The following LGSN variants were observed in gnomAD, a reference collection of about 807,000 sequenced individuals.
LGSN encodes lengsin.
A neutral mutation model predicts 19.5 loss-of-function variants in LGSN; 21 were observed. The ratio of observed to expected loss-of-function variants is 1.07; its 90% CI spans 0.76 to 1.55. The LOEUF is 1.55. LGSN is among the 40% of genes most tolerant of loss of function. LGSN has a pLI of 0.00. For synonymous variants in LGSN, 257 were observed against 215.6 expected (o/e 1.19, Z -1.68); for missense variants, 673 against 608.5 (o/e 1.11, Z -1.12).
chr6:63,486,328 G>A, the LGSN span, among the ~76,000 whole-genome samples: 5 of 152,108 alleles, frequency 3.3e-5, no homozygotes, highest in Non-Finnish European at 7.4e-5. Context: ...CATGTTTTTG[G>A]AGGTGAACAT....
At chr6:63,383,649 C>T in the LGSN span, among the ~76,000 whole-genome samples, 2 of 152,062 alleles carry the variant, frequency 1.3e-5, no homozygotes, top group African/African-American at 4.8e-5. Context: ...GTGCTGGACA[C>T]AGACAAGTCA....
chr6:63,503,191 T>G, the LGSN span, among the ~76,000 whole-genome samples: 1 of 152,320 alleles, frequency 6.6e-6, no homozygotes, highest in African/African-American at 2.4e-5. Context: ...AGCTATGGTC[T>G]CATACTGTTT....
chr6:63,326,541 C>T, the LGSN span, among the ~76,000 whole-genome samples: 9 of 152,190 alleles, frequency 5.9e-5, no homozygotes, highest in East Asian at 5.8e-4. Context: ...CAGGAGCCCA[C>T]GGAGGAGGTG....
At chr6:63,366,969 C>A in the LGSN span, among the ~76,000 whole-genome samples, 2,224 of 151,930 alleles carry the variant, frequency 0.015, 62 homozygotes, top group African/African-American at 0.051. Context: ...AAATGTTAGA[C>A]CTAAAACCAT....
At chr6:63,301,307 A>G (rs1768174723) in intron 1 of LGSN, among the ~76,000 whole-genome samples, 4 of 152,140 alleles carry the variant, frequency 2.6e-5, no homozygotes, top group Admixed American at 2.6e-4. Context: ...AATAAATACA[A>G]TAAAATAAAT....
the LGSN span, among the ~76,000 whole-genome samples, chr6:63,416,805 T>TGC: frequency 1.2e-4 from 18 of 151,932 alleles, no homozygotes; most frequent in Non-Finnish European, 2.2e-4. Context: ...TGACCTCAAG[T>TGC]GATCTGCCCA....
At chr6:63,463,026 C>A in the LGSN span, among the ~76,000 whole-genome samples, 36 of 152,262 alleles carry the variant, frequency 2.4e-4, no homozygotes, top group East Asian at 5.0e-3. Flanking sequence ...GTAATGATTT[C>A]TTTCTCTTCT....
the LGSN span, among the ~76,000 whole-genome samples, chr6:63,539,274 A>G: frequency 2.0e-5 from 3 of 152,220 alleles, no homozygotes; most frequent in Admixed American, 6.5e-5. Flanking sequence ...AATATTAACA[A>G]AGAGATAAAG....
the LGSN span, among the ~76,000 whole-genome samples, chr6:63,368,909 ATCAACTTGTT>A: frequency 1.3e-5 from 2 of 152,252 alleles, no homozygotes; most frequent in Non-Finnish European, 2.9e-5. Context: ...ACCAAAAACC[ATCAACTTGTT>A]CCAGGTGAGC....
the LGSN span, among the ~76,000 whole-genome samples, chr6:63,482,613 C>G: frequency 6.6e-6 from 1 of 152,106 alleles, no homozygotes; most frequent in Non-Finnish European, 1.5e-5. Context: ...CCTGTGGTCC[C>G]AGCTTCTCAG....
chr6:63,331,428 C>CCT, the LGSN span, among the ~76,000 whole-genome samples: 1 of 152,188 alleles, frequency 6.6e-6, no homozygotes, highest in Non-Finnish European at 1.5e-5. Flanking sequence ...AAATGAGCCA[C>CCT]CTCTTTTTCA....
chr6:63,556,801 T>A, the LGSN span, among the ~76,000 whole-genome samples: 1 of 152,214 alleles, frequency 6.6e-6, no homozygotes, highest in Non-Finnish European at 1.5e-5. Context: ...TTAATCGACT[T>A]TTACAAGAAA....
chr6:63,375,963 A>G, the LGSN span, among the ~76,000 whole-genome samples: 5 of 152,190 alleles, frequency 3.3e-5, no homozygotes, highest in African/African-American at 1.2e-4. Flanking sequence ...ATGTTGTATT[A>G]TCTTTATTTT....
chr6:63,566,395 G>A, the LGSN span, among the ~76,000 whole-genome samples: 1 of 152,028 alleles, frequency 6.6e-6, no homozygotes, highest in African/African-American at 2.4e-5. Flanking sequence ...GCTCAGGGTC[G>A]GGGTCAGTTT....
the LGSN span, among the ~76,000 whole-genome samples, chr6:63,431,905 GAA>G: frequency 1.4e-5 from 2 of 138,222 alleles, no homozygotes; most frequent in Non-Finnish European, 1.6e-5. Context: ...CGACTCTACT[GAA>G]AAAAAAAAAA....
the LGSN span, among the ~76,000 whole-genome samples, chr6:63,500,152 C>T: frequency 6.6e-6 from 1 of 152,090 alleles, no homozygotes; most frequent in Admixed American, 6.6e-5. Context: ...CCAAATTTTT[C>T]TCATAAGTGT....
the LGSN span, among the ~76,000 whole-genome samples, chr6:63,421,353 T>G: frequency 1.3e-5 from 2 of 150,898 alleles, no homozygotes; most frequent in Admixed American, 6.6e-5. Context: ...ACCTGGGAGA[T>G]AGAGGTTTCA....
the LGSN span, among the ~76,000 whole-genome samples, chr6:63,412,421 A>G: frequency 1.0e-3 from 137 of 136,568 alleles, 5 homozygotes; most frequent in African/African-American, 4.3e-3. Context: ...GAAAGAAGAA[A>G]GAAAGAAAGA....
chr6:63,495,403 G>A, the LGSN span, among the ~76,000 whole-genome samples: 1 of 150,388 alleles, frequency 6.6e-6, no homozygotes, highest in Non-Finnish European at 1.5e-5. Flanking sequence ...CTCTGCTGTA[G>A]ATCCAGTCCC....
Sources: gnomAD v4.1 joint callset for allele counts (sites outside exome capture counted in the v4.1 genomes callset) on GRCh38, gnomAD v4.1.1 for gene constraint, MANE v1.5 for transcripts, NCBI Gene and HGNC (gene_info 2026-07-23, HGNC 2026-07-21) for gene names.